WWOX: variants seen among roughly 807,000 people sequenced by gnomAD.
The protein encoded by WWOX is WW domain containing oxidoreductase.
Under a neutral mutation model 46.2 loss-of-function variants are expected in WWOX, and 69 were observed. That is an observed-to-expected ratio of 1.49 (90% CI 1.23 to 1.82). The LOEUF (loss-of-function observed/expected upper bound fraction) is 1.82. Ranked by LOEUF, WWOX falls within the 40% of genes most tolerant of loss-of-function variation. WWOX has a pLI of 0.00. For synonymous variants in WWOX, 359 were observed against 202.6 expected, an observed-to-expected ratio of 1.77 and a Z score of -6.56; for missense variants, 919 against 542.6, an observed-to-expected ratio of 1.69 and a Z score of -6.89.
intron 8 of WWOX, chr16:79,106,136 C>T (rs913807716): frequency 6.6e-6 from 1 of 152,206 alleles, no homozygotes; most frequent in African/African-American, 2.4e-5. Context: ...TTAGGCCACT[C>T]CCCAGACCTA....
chr16:78,991,577 G>T (rs544349410), intron 8 of WWOX, among the ~76,000 whole-genome samples: 1 of 121,952 alleles, frequency 8.2e-6, no homozygotes, highest in Non-Finnish European at 1.6e-5. Flanking sequence ...CTCCAGACTG[G>T]GAGACACAGC....
chr16:79,104,043 G>A (rs866553545), intron 8 of WWOX, among the ~76,000 whole-genome samples: 2 of 123,962 alleles, frequency 1.6e-5, no homozygotes, highest in Admixed American at 8.0e-5. Context: ...TTTTTGGGGG[G>A]GGGGGGGCGG....
chr16:78,670,702 G>C lies in WWOX; in HGVS notation c.1056+237950G>C, dbSNP rs73565292. Among the ~76,000 whole-genome samples the C allele has an allele frequency of 1.2e-3, 185 of 151,650 alleles. 4 individuals carry two copies. The highest frequency in any genetic ancestry group is 4.0e-3 in the African/African-American group (165 of 41,492). On this transcript the variant is annotated intron_variant, in intron 8 of 8. Transcript: ENST00000566780. The stretch of plus-strand genomic sequence containing the variant: ...AATTTTTATTTAAAAAACAGAGATA[G>C]AGTCTTGCCATCTTGCCCAGGCTAG...
At chr16:78,589,995 C>T (rs1348620381) in intron 8 of WWOX, among the ~76,000 whole-genome samples, 1 of 152,080 alleles carries the variant, frequency 6.6e-6, no homozygotes, top group Non-Finnish European at 1.5e-5. Flanking sequence ...TATGGTCACT[C>T]AACAAATTTT....
In WWOX at chr16:78,843,183, G is replaced by C. The variant is rs2052207056; in HGVS notation, c.1057-368425G>C. Among the ~76,000 whole-genome samples, 3 of 150,044 alleles carry C rather than the reference G, an allele frequency of 2.0e-5. 1 individual carries two copies. Reference sequence around the variant, plus strand: ...ATTACTGTCAGCCACTGTCCTAGGAGAGGAAAATTCAATAAACACAAAAGC... The same window carrying C: ...ATTACTGTCAGCCACTGTCCTAGGACAGGAAAATTCAATAAACACAAAAGC... On this transcript the variant is annotated intron_variant, in intron 8 of 8. Transcript: ENST00000566780.
chr16:78,919,492 C>A (rs2045327265), intron 8 of WWOX, among the ~76,000 whole-genome samples: 1 of 148,484 alleles, frequency 6.7e-6, no homozygotes, highest in African/African-American at 2.5e-5. Flanking sequence ...AAGTGGCTTT[C>A]TTCTCTTTTT....
chr16:78,403,286 T>A (rs1282480021), intron 6 of WWOX, among the ~76,000 whole-genome samples: 1 of 152,250 alleles, frequency 6.6e-6, no homozygotes, highest in East Asian at 1.9e-4. Flanking sequence ...TAAAACTGTA[T>A]AAAGTGTATT....
chr16:79,037,562 T>C (rs2047892195), intron 8 of WWOX, among the ~76,000 whole-genome samples: 1 of 152,158 alleles, frequency 6.6e-6, no homozygotes, highest in Non-Finnish European at 1.5e-5. Context: ...CACATTTAAA[T>C]CTGTGTGTTT....
At chr16:78,634,335 A>T (rs76402652) in intron 8 of WWOX, among the ~76,000 whole-genome samples, 3,460 of 152,214 alleles carry the variant, frequency 0.023, 137 homozygotes, top group African/African-American at 0.079. Flanking sequence ...TTTTTAAGTC[A>T]TCCTTATCTC....
At chr16:78,271,393 C>A (rs2079474773) in intron 5 of WWOX, among the ~76,000 whole-genome samples, 1 of 152,164 alleles carries the variant, frequency 6.6e-6, no homozygotes, top group African/African-American at 2.4e-5. Flanking sequence ...GCTGAGGTTT[C>A]ACATTGTTAC....
chr16:78,298,173 AC>A (rs2079972643), intron 5 of WWOX, among the ~76,000 whole-genome samples: 1 of 151,822 alleles, frequency 6.6e-6, no homozygotes, highest in Non-Finnish European at 1.5e-5. Flanking sequence ...AATCAATTAA[AC>A]CTCTTTCCTT....
intron 5 of WWOX, among the ~76,000 whole-genome samples, chr16:78,378,213 G>C (rs190687075): frequency 6.6e-6 from 1 of 152,064 alleles, no homozygotes; most frequent in African/African-American, 2.4e-5. Flanking sequence ...ATCTCCAAAA[G>C]TGTTTGTTTA....
intron 8 of WWOX, among the ~76,000 whole-genome samples, chr16:78,522,019 T>G (rs1040183907): frequency 6.6e-6 from 1 of 152,132 alleles, no homozygotes; most frequent in African/African-American, 2.4e-5. Context: ...ATTAAGTATT[T>G]TGCCATGAAT....
chr16:79,204,651 C>T (rs995376327), intron 8 of WWOX: 136 of 152,312 alleles, frequency 8.9e-4, no homozygotes, highest in African/African-American at 3.3e-3. Context: ...GAAACACAGG[C>T]CCTGAGAGCG....
intron 8 of WWOX, chr16:78,896,807 A>G (rs926279222): frequency 6.6e-6 from 1 of 152,146 alleles, no homozygotes; most frequent in Non-Finnish European, 1.5e-5. Context: ...ATATACATAT[A>G]TTATTGAGAC....
rs372513861 is a variant in WWOX at position 78,694,737 on chromosome 16, A to C, written c.1056+261985A>C. ...TGTGAACAGATTGCTTTTTCTCATAAGAACGCTTTATTGGAATATCAACTA... is the reference window on the plus strand; with the variant it reads ...TGTGAACAGATTGCTTTTTCTCATACGAACGCTTTATTGGAATATCAACTA... On this transcript the variant is annotated intron_variant, in intron 8 of 8. Transcript: ENST00000566780. Among the ~76,000 whole-genome samples, 7 of 152,332 alleles carry C rather than the reference A, an allele frequency of 4.6e-5. No individual in the cohort carries two copies. In the East Asian group the frequency reaches 1.2e-3, roughly 25 times the overall value.
At chr16:78,894,971 C>T (rs993417787) in intron 8 of WWOX, among the ~76,000 whole-genome samples, 1 of 152,168 alleles carries the variant, frequency 6.6e-6, no homozygotes, top group Non-Finnish European at 1.5e-5. Flanking sequence ...GATCCACCTC[C>T]ACAACTAGGT....
chr16:78,521,296 A>G (rs929267241), intron 8 of WWOX, among the ~76,000 whole-genome samples: 13 of 152,048 alleles, frequency 8.5e-5, no homozygotes, highest in African/African-American at 3.1e-4. Context: ...GCCTCAAGTG[A>G]TCCTCCCACC....
intron 8 of WWOX, among the ~76,000 whole-genome samples, chr16:78,927,497 C>T (rs181122057): frequency 6.6e-6 from 1 of 152,160 alleles, no homozygotes; most frequent in African/African-American, 2.4e-5. Context: ...GCACGGAGCC[C>T]AGAGCCAGAC....
Sources: gnomAD v4.1 joint callset for allele counts (sites outside exome capture counted in the v4.1 genomes callset) on GRCh38, gnomAD v4.1.1 for gene constraint, MANE v1.5 for transcripts, NCBI Gene and HGNC (gene_info 2026-07-23, HGNC 2026-07-21) for gene names.